The following WWOX variants were observed in gnomAD, a reference collection of about 807,000 sequenced individuals.
WWOX encodes WW domain-containing oxidoreductase.
WWOX carries 69 observed loss-of-function variants against 46.2 expected under a neutral mutation model. The observed-to-expected ratio is 1.49, with a 90% confidence interval of 1.23 to 1.82. The LOEUF (loss-of-function observed/expected upper bound fraction) is 1.82, where lower values mean the gene tolerates loss of function less well. WWOX is among the 40% of genes most tolerant of loss of function. The pLI is 0.00. For missense variants in WWOX, 919 were observed against 542.6 expected (o/e 1.69, Z -6.89); for synonymous variants, 359 against 202.6 (o/e 1.77, Z -6.56).
At position 78,391,569 on chromosome 16, in the gene WWOX, C is replaced by T. The variant is rs566716010; in HGVS notation, c.605+4621C>T. ...TTGCCGAGTAAGAAATGACTCTGGC[C>T]AGGCACGGTGGCTCACACATGTAAT... On this transcript the variant is annotated intron_variant, in intron 6 of 8. Transcript: ENST00000566780. 9.8e-5 allele frequency among the ~76,000 whole-genome samples: 15 copies of T among 152,308 alleles called. No individual in the cohort carries two copies. The East Asian group carries it at 2.3e-3, about 24-fold the overall frequency.
At chr16:79,067,051 G>A (rs1468888987) in intron 8 of WWOX, among the ~76,000 whole-genome samples, 2 of 152,160 alleles carry the variant, frequency 1.3e-5, no homozygotes, top group African/African-American at 4.8e-5. Flanking sequence ...GGGAGCATCC[G>A]CGAAATGAAT....
intron 5 of WWOX, among the ~76,000 whole-genome samples, chr16:78,285,059 G>C (rs988011207): frequency 3.9e-5 from 6 of 152,120 alleles, no homozygotes; most frequent in African/African-American, 1.4e-4. Flanking sequence ...AACCCAGAGG[G>C]CACTTCTGAA....
intron 4 of WWOX, among the ~76,000 whole-genome samples, chr16:78,158,760 A>G (rs1307806787): frequency 6.6e-6 from 1 of 152,154 alleles, no homozygotes; most frequent in Non-Finnish European, 1.5e-5. Context: ...AAAAAGCCTT[A>G]CGTATTTGAT....
intron 8 of WWOX, among the ~76,000 whole-genome samples, chr16:78,990,393 G>A (rs1263112029): frequency 6.6e-6 from 1 of 152,118 alleles, no homozygotes; most frequent in Non-Finnish European, 1.5e-5. Flanking sequence ...ACTGTTCTCT[G>A]CACGACCTAG....
intron 8 of WWOX, among the ~76,000 whole-genome samples, chr16:78,786,102 A>G (rs760558811): frequency 2.0e-5 from 3 of 151,968 alleles, no homozygotes; most frequent in African/African-American, 4.8e-5. Flanking sequence ...TAGAGGCGAG[A>G]TTTTCCCGTG....
intron 8 of WWOX, among the ~76,000 whole-genome samples, chr16:78,635,751 C>A (rs151321035): frequency 1.3e-5 from 2 of 152,098 alleles, no homozygotes; most frequent in Admixed American, 6.5e-5. Context: ...TATGAAAAGC[C>A]CTGGGCATCA....
chr16:78,578,286 T>TATA (rs1203362503), intron 8 of WWOX, among the ~76,000 whole-genome samples: 15 of 19,084 alleles, frequency 7.9e-4, no homozygotes, highest in East Asian at 3.2e-3. Context: ...ATATATATAT[T>TATA]TTTTTTTTTT....
chr16:78,469,991 A>G (rs916990011), intron 8 of WWOX, among the ~76,000 whole-genome samples: 2 of 152,234 alleles, frequency 1.3e-5, no homozygotes, highest in African/African-American at 4.8e-5. Flanking sequence ...TGCTATAACA[A>G]ATAAGCACGC....
At chr16:78,945,453 T>C (rs1485498831) in intron 8 of WWOX, among the ~76,000 whole-genome samples, 1 of 152,252 alleles carries the variant, frequency 6.6e-6, no homozygotes, top group African/African-American at 2.4e-5. Flanking sequence ...TTTGAAAGTC[T>C]GTACTGTAAC....
In WWOX at chr16:79,212,253, A is replaced by ATAAT; in HGVS notation, c.*459_*462dup. 1.4e-5 allele frequency: 19 copies of ATAAT among 1,323,954 alleles called. No individual in the cohort carries two copies. The highest frequency in any genetic ancestry group is 1.9e-5 in the Non-Finnish European group (19 of 999,694). 82.0% of individuals were successfully genotyped at this position (1,323,954 alleles called of 1,614,324 possible). ...GCTCCTTGCTGCATTGATCCAGGAG[A>ATAAT]TAATTGTTTCATTCATCCTGACCAA... On this transcript the variant is annotated 3_prime_UTR_variant, in exon 9 of 9. Transcript: ENST00000566780.
At chr16:78,869,518 T>C (rs1234364768) in intron 8 of WWOX, among the ~76,000 whole-genome samples, 4 of 152,174 alleles carry the variant, frequency 2.6e-5, no homozygotes, top group African/African-American at 9.7e-5. Context: ...GGATGTAAAA[T>C]AGGATTCATT....
At chr16:78,243,084 C>G (rs1296832955) in intron 5 of WWOX, among the ~76,000 whole-genome samples, 2 of 152,154 alleles carry the variant, frequency 1.3e-5, no homozygotes, top group Non-Finnish European at 2.9e-5. Context: ...TCACCCAGGT[C>G]CATTCTTCCA....
chr16:78,689,534 A>G (rs1015179707), intron 8 of WWOX, among the ~76,000 whole-genome samples: 1 of 152,134 alleles, frequency 6.6e-6, no homozygotes, highest in African/African-American at 2.4e-5. Context: ...CAGTCTTTGT[A>G]AGAGTCATTC....
At chr16:78,118,628 G>A (rs140131437) in intron 4 of WWOX, among the ~76,000 whole-genome samples, 84 of 152,136 alleles carry the variant, frequency 5.5e-4, no homozygotes, top group East Asian at 4.4e-3. Context: ...CAGAAGAGTC[G>A]CCCAGTTGTG....
intron 8 of WWOX, among the ~76,000 whole-genome samples, chr16:78,559,548 T>C (rs2044384409): frequency 6.6e-6 from 1 of 152,216 alleles, no homozygotes; most frequent in Non-Finnish European, 1.5e-5. Flanking sequence ...TATGGTTTCT[T>C]ATTAAACGTG....
chr16:78,267,957 A>T (rs764680069), intron 5 of WWOX, among the ~76,000 whole-genome samples: 7 of 152,046 alleles, frequency 4.6e-5, no homozygotes, highest in Non-Finnish European at 8.8e-5. Context: ...AGCTGGGACT[A>T]TAGGTGCGTG....
chr16:78,879,678 G>C (rs1167202217), intron 8 of WWOX, among the ~76,000 whole-genome samples: 3 of 152,106 alleles, frequency 2.0e-5, no homozygotes, highest in Non-Finnish European at 4.4e-5. Flanking sequence ...GGGAGTTCGA[G>C]ACCAGTCTGA....
At chr16:78,830,426 C>A (rs1255326609) in intron 8 of WWOX, among the ~76,000 whole-genome samples, 1 of 152,022 alleles carries the variant, frequency 6.6e-6, no homozygotes, top group Admixed American at 6.6e-5. Flanking sequence ...GCTCTCCCCT[C>A]CCCCACTTTT....
At chr16:78,729,229 C>G (rs973460118) in intron 8 of WWOX, among the ~76,000 whole-genome samples, 1 of 151,754 alleles carries the variant, frequency 6.6e-6, no homozygotes, top group Admixed American at 6.6e-5. Context: ...GTTGTCCCAG[C>G]TATTTGGGAG....
Sources: allele counts gnomAD v4.1 joint callset (sites outside exome capture counted in the v4.1 genomes callset), GRCh38; gene constraint gnomAD v4.1.1; transcripts MANE v1.5; gene names NCBI Gene and HGNC (gene_info 2026-07-23, HGNC 2026-07-21).